ZFYVE28: variants seen among roughly 807,000 people sequenced by gnomAD.
The protein encoded by ZFYVE28 is lateral signaling target protein 2 homolog.
Under a neutral mutation model 82.1 loss-of-function variants are expected in ZFYVE28, and 40 were observed. That is an observed-to-expected ratio of 0.49 (90% CI 0.38 to 0.63). The LOEUF is 0.63. Ranked by LOEUF, ZFYVE28 falls within the 30% of genes least tolerant of loss-of-function variation. ZFYVE28 has a pLI of 0.00. For synonymous variants in ZFYVE28, 612 were observed against 546.1 expected, an observed-to-expected ratio of 1.12 and a Z score of -1.68; for missense variants, 1,321 against 1,242.1, an observed-to-expected ratio of 1.06 and a Z score of -0.96.
At chr4:2,406,031 A>G (rs936023647) in intron 1 of ZFYVE28, among the ~76,000 whole-genome samples, 1 of 138,854 alleles carries the variant, frequency 7.2e-6, no homozygotes, top group African/African-American at 2.8e-5. Context: ...CCTGGGCCAC[A>G]GAATGGATTC....
Position 2,418,355 on chromosome 4 carries a change from GC to G in ZFYVE28, c.-33del. On this transcript the variant is annotated 5_prime_UTR_variant, in exon 1 of 13. Coordinates refer to ENST00000290974, the MANE Select transcript of ZFYVE28 (RefSeq NM_020972.3). This position sits in a 1 kb window ranked among gnomAD's most constrained non-coding sequence, Gnocchi z 4.6. ...GCCGGCCCTGGCCGGACTCCGGGCG[GC>G]CCTCGCCCTCCGCAGCGCTGCGCCC... The G allele has an allele frequency of 6.8e-7, 1 of 1,464,154 alleles. No individual in the cohort carries two copies. Among genetic ancestry groups the G allele is most frequent in the Non-Finnish European group, 9.1e-7 (1 of 1,101,874 alleles). The allele number at this position is 1,464,154 out of a possible 1,614,324, so 90.7% of individuals were successfully genotyped here.
At chr4:2,338,554 C>T (rs7668325) in intron 4 of ZFYVE28, among the ~76,000 whole-genome samples, 28,304 of 151,796 alleles carry the variant, frequency 0.19, 2,953 homozygotes, top group African/African-American at 0.24. Context: ...GATCGTGCCA[C>T]TGCACTCCAG....
chr4:2,418,210 TA>T lies in ZFYVE28; in HGVS notation c.39+74del. On this transcript the variant is annotated intron_variant, in intron 1 of 12. Transcript: ENST00000290974. This position sits in a 1 kb window ranked among gnomAD's most constrained non-coding sequence, Gnocchi z 4.6. Reference sequence around the variant, plus strand: ...GGACAGGGAAAGGGAGTCCGTCTTGTAGGGCGGACGGGCGGTCCTGGGGAAG... The same window carrying T: ...GGACAGGGAAAGGGAGTCCGTCTTGTGGGCGGACGGGCGGTCCTGGGGAAG... 7.2e-7 allele frequency: 1 copy of T among 1,398,524 alleles called. No homozygotes were observed. The highest frequency in any genetic ancestry group is 9.6e-7 in the Non-Finnish European group (1 of 1,045,904). The allele number at this position is 1,398,524 out of a possible 1,614,324, so 86.6% of individuals were successfully genotyped here.
At chr4:2,388,787 T>A (rs1289577198) in intron 1 of ZFYVE28, among the ~76,000 whole-genome samples, 4 of 151,960 alleles carry the variant, frequency 2.6e-5, no homozygotes, top group Admixed American at 2.6e-4. Flanking sequence ...ACTGAGGCAA[T>A]GAGGATGGGA....
Position 2,372,178 on chromosome 4 carries a change from C to T in ZFYVE28, c.40-18105G>A, listed in dbSNP as rs1024834146. Among the ~76,000 whole-genome samples the T allele has an allele frequency of 1.3e-5, 2 of 152,144 alleles. No homozygotes were observed. Among genetic ancestry groups the T allele is most frequent in the Non-Finnish European group, 2.9e-5 (2 of 68,020 alleles). ...TGTTTTGTTTGCTGTTACCTATTCC[C>T]GTGACCAACAGGACCCAAAGGACCT... On this transcript the variant is annotated intron_variant, in intron 1 of 12. Transcript: ENST00000290974. This position sits in a 1 kb window ranked among gnomAD's most constrained non-coding sequence, Gnocchi z 5.2.
At chr4:2,296,677 G>A (rs1319904379) in intron 8 of ZFYVE28, among the ~76,000 whole-genome samples, 1 of 152,172 alleles carries the variant, frequency 6.6e-6, no homozygotes, top group Non-Finnish European at 1.5e-5. Context: ...ACAGTCTGGG[G>A]GAAATGGCAG....
At position 2,339,905 on chromosome 4, in the gene ZFYVE28, G is replaced by A. The variant is rs1347352451; in HGVS notation, c.319-250C>T. Among the ~76,000 whole-genome samples, 4 of 151,000 alleles carry A rather than the reference G, an allele frequency of 2.6e-5. No individual in the cohort carries two copies. Among genetic ancestry groups the A allele is most frequent in the Admixed American group, 2.6e-4 (4 of 15,184 alleles). On this transcript the variant is annotated intron_variant, in intron 3 of 12. Transcript: ENST00000290974. This position sits in a 1 kb window ranked among gnomAD's most constrained non-coding sequence, Gnocchi z 5.0. ...CCCAGGAGCAGGGAGGGCAGGGCAT[G>A]GCAGGGCAGGTAAGGGCAGGGGAGG...
chr4:2,385,182 C>T (rs746547846), intron 1 of ZFYVE28, among the ~76,000 whole-genome samples: 1 of 152,194 alleles, frequency 6.6e-6, no homozygotes, highest in Non-Finnish European at 1.5e-5. Context: ...GCACTGCTGC[C>T]ACCCCTTCCC....
intron 1 of ZFYVE28, among the ~76,000 whole-genome samples, chr4:2,382,463 G>A (rs1728825432): frequency 6.6e-6 from 1 of 152,274 alleles, no homozygotes; most frequent in Non-Finnish European, 1.5e-5. Context: ...TGACCTGGAT[G>A]TGAGACCTGG....
chr4:2,383,611 C>T (rs1728950485), intron 1 of ZFYVE28, among the ~76,000 whole-genome samples: 1 of 152,208 alleles, frequency 6.6e-6, no homozygotes, highest in Admixed American at 6.5e-5. Context: ...GTCACCTCCA[C>T]TGACCCGGTA....
chr4:2,317,937 G>T (rs575558685), intron 7 of ZFYVE28, among the ~76,000 whole-genome samples: 1 of 152,258 alleles, frequency 6.6e-6, no homozygotes. Flanking sequence ...CGGCCTCAAG[G>T]CATGCTTTTG....
intron 6 of ZFYVE28, among the ~76,000 whole-genome samples, chr4:2,321,152 CCT>C (rs1002321170): frequency 2.5e-4 from 38 of 152,060 alleles, no homozygotes; most frequent in Admixed American, 1.2e-3. Flanking sequence ...GAATTCGTCC[CCT>C]GTCCCTCATC....
At chr4:2,340,314 G>T (rs2108862900) in intron 3 of ZFYVE28, among the ~76,000 whole-genome samples, 1 of 152,326 alleles carries the variant, frequency 6.6e-6, no homozygotes, top group Admixed American at 6.5e-5. Flanking sequence ...GTGCTGCGAG[G>T]CAGCTCCCCA....
In ZFYVE28 at chr4:2,339,114, C is replaced by T. The variant is rs986069814; in HGVS notation, c.521+339G>A. On this transcript the variant is annotated intron_variant, in intron 4 of 12. Coordinates refer to ENST00000290974, the MANE Select transcript of ZFYVE28 (RefSeq NM_020972.3). This position sits in a 1 kb window ranked among gnomAD's most constrained non-coding sequence, Gnocchi z 5.0. The stretch of plus-strand genomic sequence containing the variant: ...GGCGTGAGCCACCGCACCCGCCTGG[C>T]TGCCTCTGTTTTCTTCTCACCTGTG... Among the ~76,000 whole-genome samples, 3 of 152,150 alleles carry T rather than the reference C, an allele frequency of 2.0e-5. No individual in the cohort carries two copies. The highest frequency in any genetic ancestry group is 2.1e-4 in the South Asian group (1 of 4,828).
At chr4:2,310,541 T>C (rs865974251) in intron 7 of ZFYVE28, among the ~76,000 whole-genome samples, 2 of 152,306 alleles carry the variant, frequency 1.3e-5, no homozygotes, top group South Asian at 4.1e-4. Flanking sequence ...TGGTGGCTCA[T>C]GCCTGTAATC....
chr4:2,315,379 A>G (rs1360728649), intron 7 of ZFYVE28, among the ~76,000 whole-genome samples: 1 of 152,070 alleles, frequency 6.6e-6, no homozygotes, highest in Non-Finnish European at 1.5e-5. Flanking sequence ...TCCGCCTCCC[A>G]GGTTCAAGTG....
At chr4:2,303,876 C>T (rs1043861762) in intron 8 of ZFYVE28, among the ~76,000 whole-genome samples, 3 of 152,244 alleles carry the variant, frequency 2.0e-5, no homozygotes, top group Non-Finnish European at 4.4e-5. Flanking sequence ...GGGCAGTGCG[C>T]TCGGATGCGG....
chr4:2,350,958 T>A (rs1724337314), intron 2 of ZFYVE28, among the ~76,000 whole-genome samples: 1 of 152,216 alleles, frequency 6.6e-6, no homozygotes, highest in African/African-American at 2.4e-5. Flanking sequence ...CTACATTCTT[T>A]ATTCATAAGC....
At position 2,341,831 on chromosome 4, in the gene ZFYVE28, C is replaced by T. The variant is rs1008646848; in HGVS notation, c.181-216G>A. ...GGTTAGGAGTTTGAGACCAGCCTGG[C>T]CAACATGGCGAAACCCCATCTCTAC... On this transcript the variant is annotated intron_variant, in intron 2 of 12. Transcript: ENST00000290974. This position sits in a 1 kb window ranked among gnomAD's most constrained non-coding sequence, Gnocchi z 4.5. 3.9e-5 allele frequency among the ~76,000 whole-genome samples: 6 copies of T among 152,154 alleles called. No individual in the cohort carries two copies.
Sources: gnomAD v4.1 joint callset for allele counts (sites outside exome capture counted in the v4.1 genomes callset) on GRCh38, gnomAD v4.1.1 for gene constraint, Gnocchi (gnomAD v3.1) non-coding constraint, MANE v1.5 for transcripts, NCBI Gene and HGNC (gene_info 2026-07-23, HGNC 2026-07-21) for gene names.